Variants in NFYC observed in about 807,000 individuals in gnomAD.
The protein encoded by NFYC is CAAT box DNA-binding protein subunit C.
Under a neutral mutation model 53.1 loss-of-function variants are expected in NFYC, and 25 were observed. The observed-to-expected ratio is 0.47, with a 90% CI of 0.34 to 0.66. The LOEUF (loss-of-function observed/expected upper bound fraction) is 0.66. NFYC is among the 30% of genes least tolerant of loss of function. The pLI is 0.01. For missense variants in NFYC, 260 were observed against 422.7 expected, an observed-to-expected ratio of 0.62 and a Z score of 3.38; for synonymous variants, 145 against 152.6, an observed-to-expected ratio of 0.95 and a Z score of 0.37.
chr1:40,715,731 T>G (rs1420613865), intron 1 of NFYC, among the ~76,000 whole-genome samples: 3 of 152,306 alleles, frequency 2.0e-5, no homozygotes, highest in Admixed American at 2.0e-4. Context: ...TAAATTAGAT[T>G]ACAGTCTAGC....
chr1:40,722,190 A>T (rs1266921127), intron 1 of NFYC, among the ~76,000 whole-genome samples: 1 of 151,926 alleles, frequency 6.6e-6, no homozygotes, highest in Non-Finnish European at 1.5e-5. Context: ...ATATAAATAA[A>T]TAATTAATTT....
intron 1 of NFYC, among the ~76,000 whole-genome samples, chr1:40,708,678 T>C (rs1260818118): frequency 6.6e-6 from 1 of 152,220 alleles, no homozygotes; most frequent in Non-Finnish European, 1.5e-5. Context: ...GTCTGTGCCT[T>C]TAAAGTGCCA....
chr1:40,731,495 C>T (rs551209453), intron 1 of NFYC, among the ~76,000 whole-genome samples: 4 of 144,820 alleles, frequency 2.8e-5, no homozygotes, highest in East Asian at 2.1e-4. Flanking sequence ...TTTCTTTTGG[C>T]GGGGGCGGGG....
chr1:40,750,712 TC>T, intron 4 of NFYC, among the ~76,000 whole-genome samples: 1 of 152,262 alleles, frequency 6.6e-6, no homozygotes, highest in Admixed American at 6.5e-5. Context: ...CCCTTCAAGA[TC>T]AATTCAGATT....
In NFYC at chr1:40,763,017, A is replaced by G. The variant is rs1461796979; in HGVS notation, c.691A>G (p.Thr231Ala). The G allele has an allele frequency of 6.2e-7, 1 of 1,609,872 alleles. No individual in the cohort carries two copies. The highest frequency in any genetic ancestry group is 1.7e-5 in the Admixed American group (1 of 59,562). Residue 231 changes from threonine (T) to alanine (A), a missense_variant, in exon 7 of 10, where the codon ACT becomes GCT. By Grantham distance (58) the Thr-to-Ala change is moderately conservative. Transcript: ENST00000447388. ...QTMQVMQQII[T>A]NTGEIQQIPV... ...CATGCAGGTGATGCAGCAGATCATC[A>G]CTAACACAGGAGAGATCCAGCAGAT...
In NFYC at chr1:40,762,912, G is replaced by C; in HGVS notation, c.586G>C (p.Gly196Arg). The C allele has an allele frequency of 6.2e-7, 1 of 1,607,172 alleles. No homozygotes were observed. The highest frequency in any genetic ancestry group is 8.5e-7 in the Non-Finnish European group (1 of 1,176,234). The stretch of plus-strand genomic sequence containing the variant: ...GACCACACCTGTGACAATGCAGGTT[G>C]GAGAAGGTCAGCAGGTGCAGATTGT... ...GQTTPVTMQV[G>R]EGQQVQIVQA... Residue 196 changes from glycine to arginine, a missense_variant, in exon 7 of 10, where the codon GGA becomes CGA. By Grantham distance (125) the Gly-to-Arg change is moderately radical (BLOSUM62 -2). Coordinates refer to ENST00000447388, the MANE Select transcript of NFYC (RefSeq NM_014223.5).
intron 5 of NFYC, 118 bp from the exon 6 acceptor site, chr1:40,758,003 G>C: frequency 9.3e-7 from 1 of 1,077,794 alleles, no homozygotes; most frequent in Non-Finnish European, 1.4e-6. Context: ...CAAATGTGGA[G>C]AGCTCAGCAT....
chr1:40,710,056 C>G (rs953213032), intron 1 of NFYC, among the ~76,000 whole-genome samples: 1 of 152,186 alleles, frequency 6.6e-6, no homozygotes, highest in African/African-American at 2.4e-5. Flanking sequence ...TGTGAAAATA[C>G]GATTTGCACT....
chr1:40,697,385 G>T (rs1643206446), intron 1 of NFYC, among the ~76,000 whole-genome samples: 1 of 152,188 alleles, frequency 6.6e-6, no homozygotes, highest in Admixed American at 6.5e-5. Context: ...TAGTTGTGCT[G>T]TTGTGGTTTA....
intron 4 of NFYC, 120 bp downstream of exon 4, chr1:40,749,806 C>G (rs1645811033): frequency 1.3e-6 from 1 of 781,218 alleles, no homozygotes; most frequent in African/African-American, 1.7e-5. Context: ...TCCTTTAGGA[C>G]CAAAGATTGT....
At chr1:40,719,767 A>C (rs1056000735) in intron 1 of NFYC, among the ~76,000 whole-genome samples, 1 of 152,204 alleles carries the variant, frequency 6.6e-6, no homozygotes, top group Admixed American at 6.5e-5. Flanking sequence ...TATCAATTCT[A>C]AAGTAGAAGG....
chr1:40,697,995 T>G (rs948709311), intron 1 of NFYC, among the ~76,000 whole-genome samples: 1 of 152,250 alleles, frequency 6.6e-6, no homozygotes, highest in African/African-American at 2.4e-5. Flanking sequence ...AACTTGTAGT[T>G]TAAAGAGTGG....
rs1181801754 is a variant in NFYC at position 40,770,466 on chromosome 1, A to G, written c.889-243A>G. 1 of 1,550,926 alleles carries G rather than the reference A, an allele frequency of 6.4e-7. No individual in the cohort carries two copies. The highest frequency in any genetic ancestry group is 2.0e-5 in the Admixed American group (1 of 50,998). On this transcript the variant is annotated intron_variant, in intron 9 of 9. Transcript: ENST00000447388. This position sits in a 1 kb window ranked among gnomAD's most constrained non-coding sequence, Gnocchi z 5.3. Reference sequence around the variant, plus strand: ...GGCAGAGCCCAGAGAAGTGAAAGCCACAGGAAATTCAACTCCCTGCACCTC... The same window carrying G: ...GGCAGAGCCCAGAGAAGTGAAAGCCGCAGGAAATTCAACTCCCTGCACCTC...
intron 2 of NFYC, among the ~76,000 whole-genome samples, chr1:40,742,870 C>CGCT (rs1180061361): frequency 6.6e-6 from 1 of 152,156 alleles, no homozygotes; most frequent in Admixed American, 6.5e-5. Context: ...TCTCTGACTG[C>CGCT]GCTGCTGCCT....
chr1:40,762,934 T>A lies in NFYC; in HGVS notation c.608T>A (p.Ile203Asn), dbSNP rs914124658. ...GTTGGAGAAGGTCAGCAGGTGCAGA[T>A]TGTCCAGGCTCAGCCACAGGGTCAA... ...MQVGEGQQVQ[I>N]VQAQPQGQAQ... The change falls in exon 7 of 10, where the codon ATT (isoleucine) becomes AAT (asparagine). Residue 203 changes from isoleucine to asparagine, a missense_variant. Ile to Asn is a moderately radical substitution (Grantham distance 149). Transcript: ENST00000447388. 1 of 1,610,652 alleles carries A rather than the reference T, an allele frequency of 6.2e-7. No homozygotes were observed. The highest frequency in any genetic ancestry group is 8.5e-7 in the Non-Finnish European group (1 of 1,178,232).
intron 1 of NFYC, among the ~76,000 whole-genome samples, chr1:40,737,976 C>T (rs1645140219): frequency 6.7e-6 from 1 of 148,966 alleles, no homozygotes; most frequent in African/African-American, 2.5e-5. Flanking sequence ...GATCTCGGCT[C>T]ACTGCAAGCT....
rs577913416 is a variant in NFYC at position 40,714,231 on chromosome 1, C to T, written c.-9+22364C>T. ...CACAAGCTAACCTGTATTTAATAAA[C>T]AAAGATTCCAGGGTCATTTTAAGCA... On this transcript the variant is annotated intron_variant, in intron 1 of 9. Coordinates refer to ENST00000447388, the MANE Select transcript of NFYC (RefSeq NM_014223.5). Among the ~76,000 whole-genome samples the T allele has an allele frequency of 2.6e-5, 4 of 152,284 alleles. No homozygotes were observed. In the East Asian group the frequency reaches 7.7e-4, roughly 29 times the overall value.
intron 5 of NFYC, among the ~76,000 whole-genome samples, chr1:40,754,843 C>T (rs1646125086): frequency 6.6e-6 from 1 of 152,128 alleles, no homozygotes; most frequent in African/African-American, 2.4e-5. Context: ...CCATCTTAGC[C>T]AGACTCAAAA....
chr1:40,703,314 A>G (rs1231661045), intron 1 of NFYC, among the ~76,000 whole-genome samples: 3 of 149,012 alleles, frequency 2.0e-5, no homozygotes, highest in Non-Finnish European at 4.5e-5. Flanking sequence ...ATATGGGGAG[A>G]CCCTGTCTCT....
Sources: allele counts gnomAD v4.1 joint callset (sites outside exome capture counted in the v4.1 genomes callset), GRCh38; gene constraint gnomAD v4.1.1; non-coding constraint Gnocchi (gnomAD v3.1); transcripts MANE v1.5; gene names NCBI Gene and HGNC (gene_info 2026-07-23, HGNC 2026-07-21).